Variants in GNAL observed in about 807,000 individuals in gnomAD.
GNAL encodes the protein guanine nucleotide-binding protein G(olf) subunit alpha.
A neutral mutation model predicts 55.1 loss-of-function variants in GNAL; 18 were observed. The ratio of observed to expected loss-of-function variants is 0.33; its 90% CI spans 0.23 to 0.48. The LOEUF (loss-of-function observed/expected upper bound fraction) is 0.48. GNAL is among the 20% of genes least tolerant of loss of function. The pLI, the probability that GNAL is intolerant of heterozygous loss-of-function variation, is 0.99. For synonymous variants in GNAL, 253 were observed against 237.0 expected (o/e 1.07, Z -0.62); for missense variants, 412 against 614.1 (o/e 0.67, Z 3.48).
intron 1 of GNAL, among the ~76,000 whole-genome samples, chr18:11,701,326 C>T (rs1315123494): frequency 6.6e-6 from 1 of 151,992 alleles, no homozygotes; most frequent in African/African-American, 2.4e-5. Context: ...CGCGGTGGCT[C>T]ACACCTGTAA....
intron 1 of GNAL, among the ~76,000 whole-genome samples, chr18:11,738,880 G>A (rs772760281): frequency 6.6e-6 from 1 of 152,172 alleles, no homozygotes; most frequent in Non-Finnish European, 1.5e-5. Context: ...AGGTTGCCAG[G>A]CAGGACGGCA....
intron 5 of GNAL, among the ~76,000 whole-genome samples, chr18:11,859,725 G>T (rs1373878627): frequency 2.0e-5 from 3 of 151,852 alleles, no homozygotes; most frequent in Non-Finnish European, 4.4e-5. Context: ...CCATACCTCT[G>T]CAGAGCCAGG....
intron 4 of GNAL, among the ~76,000 whole-genome samples, chr18:11,773,135 C>G (rs1242607504): frequency 1.1e-4 from 17 of 152,228 alleles, no homozygotes; most frequent in Admixed American, 1.1e-3. Context: ...GCAGCCAGTT[C>G]TCCCAAAGAC....
chr18:11,811,827 TACC>T (rs561002903), intron 4 of GNAL, among the ~76,000 whole-genome samples: 64 of 152,304 alleles, frequency 4.2e-4, no homozygotes, highest in African/African-American at 1.5e-3. Flanking sequence ...ATAAGAGTAA[TACC>T]CTAAAATGTT....
intron 1 of GNAL, among the ~76,000 whole-genome samples, chr18:11,716,722 G>A (rs568261491): frequency 1.3e-5 from 2 of 152,196 alleles, no homozygotes; most frequent in Non-Finnish European, 2.9e-5. Context: ...ACAGAGTGTC[G>A]ATTGGTGCAT....
rs756435506 is a variant in GNAL at position 11,862,467 on chromosome 18, C to G, written c.777+18C>G. 1.5e-5 allele frequency: 23 copies of G among 1,546,764 alleles called. No homozygotes were observed. The highest frequency in any genetic ancestry group is 2.1e-5 in the Non-Finnish European group (23 of 1,119,084). The stretch of plus-strand genomic sequence containing the variant: ...CAGACCAGGTATGTGGAATTAGGGT[C>G]CCCCACCACACACCAGAAACTTTGA... On this transcript the variant is annotated intron_variant, in intron 6 of 11. Transcript: ENST00000334049.
chr18:11,861,047 A>G (rs2036121194), intron 5 of GNAL, among the ~76,000 whole-genome samples: 1 of 152,076 alleles, frequency 6.6e-6, no homozygotes, highest in Non-Finnish European at 1.5e-5. Flanking sequence ...GGATGGGGAG[A>G]TTGGGAGGCA....
chr18:11,758,983 G>A (rs952435980), intron 4 of GNAL, among the ~76,000 whole-genome samples: 1 of 151,922 alleles, frequency 6.6e-6, no homozygotes, highest in Non-Finnish European at 1.5e-5. Context: ...GACCAGCCTG[G>A]CCAACGTGGT....
chr18:11,697,431 G>T, intron 1 of GNAL, among the ~76,000 whole-genome samples: 1 of 152,120 alleles, frequency 6.6e-6, no homozygotes. Context: ...GGTGGTGGGT[G>T]CCTGTAATCC....
At chr18:11,708,220 A>G (rs1021168573) in intron 1 of GNAL, among the ~76,000 whole-genome samples, 7 of 152,162 alleles carry the variant, frequency 4.6e-5, no homozygotes, top group Admixed American at 3.9e-4. Flanking sequence ...AATCATTTCT[A>G]GCTTTGGATT....
chr18:11,700,260 G>A (rs1263553398), intron 1 of GNAL, among the ~76,000 whole-genome samples: 1 of 152,232 alleles, frequency 6.6e-6, no homozygotes, highest in Non-Finnish European at 1.5e-5. Flanking sequence ...ATTGAAAGCT[G>A]TGGTTTATGA....
chr18:11,739,232 G>T (rs1380353404), intron 1 of GNAL, among the ~76,000 whole-genome samples: 1 of 152,178 alleles, frequency 6.6e-6, no homozygotes. Context: ...AGACTTCAAA[G>T]GTTTCCTAAA....
chr18:11,773,365 C>G (rs1240924135), intron 4 of GNAL, among the ~76,000 whole-genome samples: 3 of 152,186 alleles, frequency 2.0e-5, no homozygotes, highest in African/African-American at 4.8e-5. Flanking sequence ...AGGAGATAAA[C>G]GGGATGACAC....
chr18:11,815,258 T>G (rs908513830), intron 4 of GNAL, among the ~76,000 whole-genome samples: 1 of 152,172 alleles, frequency 6.6e-6, no homozygotes, highest in Admixed American at 6.6e-5. Flanking sequence ...TTATTATGTG[T>G]CAATTATGTA....
chr18:11,689,701 G>T lies in GNAL; in HGVS notation c.138G>T (p.Arg46Ser), dbSNP rs532055871. The change falls in exon 1 of 12, where the codon AGG becomes AGT. Residue 46 changes from arginine (R) to serine (S), a missense_variant. Physicochemically the swap from Arg to Ser is moderately radical, Grantham distance 110. This residue lies in a region of GNAL where 228 missense variants were observed against 194.8 expected (regional missense o/e 1.17). Coordinates refer to ENST00000334049, the MANE Select transcript of GNAL (RefSeq NM_182978.4). ...TGGCCCCAGTCCGGGCGGCCGCAAG[G>T]GACACGGCCCGGACCCTGCTCCCTC... is the stretch of plus-strand genomic sequence containing the variant. ...PALAPVRAAARDTARTLLPRG... is the reference protein window; with the variant it reads ...PALAPVRAAASDTARTLLPRG... 6.7e-7 allele frequency: 1 copy of T among 1,481,672 alleles called. No homozygotes were observed. The highest frequency in any genetic ancestry group is 1.3e-5 in the South Asian group (1 of 78,562). The allele number at this position is 1,481,672 out of a possible 1,614,324, so 91.8% of individuals were successfully genotyped here. A position where few individuals can be genotyped will look rare whatever the true frequency, so the allele number is the denominator to read the frequency against.
chr18:11,851,334 C>T, intron 5 of GNAL: 3 of 785,656 alleles, frequency 3.8e-6, no homozygotes, highest in East Asian at 5.8e-5. Context: ...CGGCGCCTTC[C>T]GTCCCGCAGG....
intron 6 of GNAL, 147 bp downstream of exon 6, chr18:11,862,596 C>A: frequency 1.5e-6 from 1 of 648,258 alleles, no homozygotes; most frequent in Non-Finnish European, 2.8e-6. Context: ...TGTGTGTGTG[C>A]GTGGATTGGT....
At chr18:11,753,237 AT>A (rs1232319611) in intron 2 of GNAL, among the ~76,000 whole-genome samples, 4 of 152,070 alleles carry the variant, frequency 2.6e-5, no homozygotes, top group Non-Finnish European at 5.9e-5. Context: ...ATATAATATT[AT>A]TTGTTTGCAT....
At chr18:11,821,440 T>G (rs142713001) in intron 4 of GNAL, among the ~76,000 whole-genome samples, 1,607 of 152,304 alleles carry the variant, frequency 0.011, 16 homozygotes, top group Non-Finnish European at 0.015. Flanking sequence ...CAGCGACCTC[T>G]TCCAGTTTTG....
Sources: allele counts gnomAD v4.1 joint callset (sites outside exome capture counted in the v4.1 genomes callset), GRCh38; gene constraint gnomAD v4.1.1; regional missense constraint gnomAD v4.1.1; transcripts MANE v1.5; gene names NCBI Gene and HGNC (gene_info 2026-07-23, HGNC 2026-07-21).